The following CHRM2 variants were observed in gnomAD, a reference collection of about 807,000 sequenced individuals.
CHRM2 encodes cholinergic receptor muscarinic 2, also known as muscarinic acetylcholine receptor M2.
Under a neutral mutation model 25.0 loss-of-function variants are expected in CHRM2, and 8 were observed. The ratio of observed to expected loss-of-function variants is 0.32; its 90% CI spans 0.19 to 0.58. CHRM2 has a LOEUF of 0.58. Ranked by LOEUF, CHRM2 falls within the 20% of genes least tolerant of loss-of-function variation. The probability of loss-of-function intolerance (pLI) is 0.88; values close to 1 mark genes in which losing one functional copy is unlikely to be tolerated. For synonymous variants in CHRM2, 202 were observed against 205.7 expected, an observed-to-expected ratio of 0.98 and a Z score of 0.15; for missense variants, 440 against 567.1, an observed-to-expected ratio of 0.78 and a Z score of 2.28.
intron 2 of CHRM2, among the ~76,000 whole-genome samples, chr7:136,955,678 G>A (rs1360517828): frequency 6.6e-6 from 1 of 152,140 alleles, no homozygotes; most frequent in Non-Finnish European, 1.5e-5. Flanking sequence ...ATGGTCATTG[G>A]TCTAGGCAGT....
intron 2 of CHRM2, among the ~76,000 whole-genome samples, chr7:136,923,684 C>A: frequency 6.6e-6 from 1 of 151,952 alleles, no homozygotes; most frequent in South Asian, 2.1e-4. Flanking sequence ...GTTGCAAGTG[C>A]CTTTTTTATG....
intron 2 of CHRM2, among the ~76,000 whole-genome samples, chr7:136,893,919 C>T (rs1020630130): frequency 6.6e-6 from 1 of 152,158 alleles, no homozygotes; most frequent in Non-Finnish European, 1.5e-5. Context: ...AAATAATCCT[C>T]ATATTTTATT....
chr7:137,003,660 G>A (rs907898573), intron 3 of CHRM2, among the ~76,000 whole-genome samples: 1 of 152,046 alleles, frequency 6.6e-6, no homozygotes, highest in Non-Finnish European at 1.5e-5. Flanking sequence ...TATCTTAGAA[G>A]TCCAGGTGTG....
At chr7:136,986,701 G>A (rs906528360) in intron 2 of CHRM2, among the ~76,000 whole-genome samples, 4 of 152,138 alleles carry the variant, frequency 2.6e-5, no homozygotes, top group South Asian at 4.1e-4. Context: ...GCTAAGAAAT[G>A]TCAAATAATG....
At chr7:136,875,540 A>G (rs1209835046) in intron 2 of CHRM2, among the ~76,000 whole-genome samples, 1 of 152,042 alleles carries the variant, frequency 6.6e-6, no homozygotes, top group Non-Finnish European at 1.5e-5. Flanking sequence ...CACATGAACT[A>G]TCACCAGAGC....
chr7:136,922,866 G>T (rs1367119392), intron 2 of CHRM2, among the ~76,000 whole-genome samples: 30 of 152,136 alleles, frequency 2.0e-4, no homozygotes, highest in East Asian at 1.9e-4. Context: ...ATCATTTTGG[G>T]TTTTTTCTAA....
At chr7:136,914,381 C>A (rs1308112750) in intron 2 of CHRM2, 1 of 151,858 alleles carries the variant, frequency 6.6e-6, no homozygotes, top group East Asian at 1.9e-4. Context: ...TGTCAGCCTG[C>A]CTATTTCAGA....
chr7:136,923,376 T>C (rs909475162), intron 2 of CHRM2, among the ~76,000 whole-genome samples: 2 of 151,762 alleles, frequency 1.3e-5, no homozygotes, highest in Non-Finnish European at 2.9e-5. Context: ...CCTCACACCC[T>C]CCCTGGAATG....
chr7:137,015,252 G>C lies in CHRM2; in HGVS notation c.387G>C (p.Leu129=). 2 of 1,613,326 alleles carry C rather than the reference G, an allele frequency of 1.2e-6. No homozygotes were observed. The highest frequency in any genetic ancestry group is 1.7e-6 in the Non-Finnish European group (2 of 1,179,624). The change falls in exon 4 of 4, where the codon CTG becomes CTC. Residue 129 remains leucine (L), a synonymous_variant. Coordinates refer to ENST00000680005, the MANE Select transcript of CHRM2 (RefSeq NM_001006630.2). The surrounding 1 kb of genome is among the most constrained non-coding windows in gnomAD (Gnocchi z 5.1). The part of the protein sequence containing the change: ...FDRYFCVTKP[L]TYPVKRTTKM... Reference sequence around the variant, plus strand: ...GGTACTTCTGTGTCACAAAACCTCTGACCTACCCAGTCAAGCGGACCACAA... The same window carrying C: ...GGTACTTCTGTGTCACAAAACCTCTCACCTACCCAGTCAAGCGGACCACAA...
intron 3 of CHRM2, among the ~76,000 whole-genome samples, chr7:137,000,011 A>G (rs1803878442): frequency 6.6e-6 from 1 of 152,134 alleles, no homozygotes; most frequent in South Asian, 2.1e-4. Context: ...TAAATAACAG[A>G]AAGTACTAAA....
At chr7:137,005,589 TA>T (rs1369647823) in intron 3 of CHRM2, among the ~76,000 whole-genome samples, 1 of 152,044 alleles carries the variant, frequency 6.6e-6, no homozygotes, top group African/African-American at 2.4e-5. Flanking sequence ...TTCCTCCCTT[TA>T]AAGTTGTCCT....
chr7:136,906,228 G>T (rs1024436663), intron 2 of CHRM2, among the ~76,000 whole-genome samples: 2 of 150,060 alleles, frequency 1.3e-5, no homozygotes, highest in African/African-American at 4.9e-5. Context: ...TATATGGTTT[G>T]TATGTATGTA....
chr7:136,947,345 A>G (rs374786036), intron 2 of CHRM2, among the ~76,000 whole-genome samples: 1 of 152,038 alleles, frequency 6.6e-6, no homozygotes, highest in Admixed American at 6.6e-5. Flanking sequence ...ATATCTAGGG[A>G]TGGGGAATAT....
At chr7:136,921,755 C>CA (rs1798446946) in intron 2 of CHRM2, among the ~76,000 whole-genome samples, 1 of 145,764 alleles carries the variant, frequency 6.9e-6, no homozygotes, top group Admixed American at 7.0e-5. Flanking sequence ...AGAAATATAC[C>CA]ATTCATGCAA....
At chr7:136,998,145 T>A (rs142507512) in intron 3 of CHRM2, among the ~76,000 whole-genome samples, 2 of 152,234 alleles carry the variant, frequency 1.3e-5, no homozygotes, top group East Asian at 1.9e-4. Context: ...TGGAGCTAGA[T>A]TGAGAGAATT....
intron 2 of CHRM2, among the ~76,000 whole-genome samples, chr7:136,886,661 G>T (rs1160571460): frequency 6.6e-6 from 1 of 151,984 alleles, no homozygotes; most frequent in Non-Finnish European, 1.5e-5. Context: ...AAGCCCAGGA[G>T]TTCAAGACCA....
chr7:136,875,181 C>T (rs1483520199), intron 2 of CHRM2, among the ~76,000 whole-genome samples: 1 of 149,542 alleles, frequency 6.7e-6, no homozygotes, highest in Non-Finnish European at 1.5e-5. Flanking sequence ...TATATATCTC[C>T]AGCAAGAAAA....
At chr7:136,994,314 G>A (rs1803429099) in intron 3 of CHRM2, among the ~76,000 whole-genome samples, 1 of 152,044 alleles carries the variant, frequency 6.6e-6, no homozygotes, top group South Asian at 2.1e-4. Flanking sequence ...CATCATTAGT[G>A]GTCATTCCAT....
In CHRM2 at chr7:136,876,545, A is replaced by G. The variant is rs577197890; in HGVS notation, c.-125+7127A>G. On this transcript the variant is annotated intron_variant, in intron 2 of 3. Transcript: ENST00000680005. ...GCATAGATACCCACAGTACCCCTCCATTTTATCGTATCAAAGAAACTGTAG... is the reference window on the plus strand; with the variant it reads ...GCATAGATACCCACAGTACCCCTCCGTTTTATCGTATCAAAGAAACTGTAG... Among the ~76,000 whole-genome samples the G allele has an allele frequency of 1.3e-3, 198 of 152,174 alleles. 2 individuals are homozygous for G. Among genetic ancestry groups the G allele is most frequent in the African/African-American group, 4.5e-3 (187 of 41,552 alleles).
Sources: gnomAD v4.1 joint callset for allele counts (sites outside exome capture counted in the v4.1 genomes callset) on GRCh38, gnomAD v4.1.1 for gene constraint, Gnocchi (gnomAD v3.1) non-coding constraint, MANE v1.5 for transcripts, NCBI Gene and HGNC (gene_info 2026-07-23, HGNC 2026-07-21) for gene names.